Variants in FBXO34 observed in about 807,000 individuals in gnomAD.
FBXO34 encodes F-box only protein 34.
In FBXO34, 12 loss-of-function variants were observed where a neutral mutation model predicts 24.5. The ratio of observed to expected loss-of-function variants is 0.49; its 90% CI spans 0.31 to 0.79. The LOEUF (loss-of-function observed/expected upper bound fraction) is 0.79. FBXO34 is among the 30% of genes least tolerant of loss of function. The probability of loss-of-function intolerance (pLI) is 0.04; values close to 1 mark genes in which losing one functional copy is unlikely to be tolerated. For missense variants in FBXO34, 823 were observed against 857.7 expected, an observed-to-expected ratio of 0.96 and a Z score of 0.51; for synonymous variants, 320 against 311.9, an observed-to-expected ratio of 1.03 and a Z score of -0.27.
intron 1 of FBXO34, among the ~76,000 whole-genome samples, chr14:55,307,586 G>A (rs925440062): frequency 1.3e-5 from 2 of 152,154 alleles, no homozygotes; most frequent in Non-Finnish European, 2.9e-5. Context: ...TATAAACAAG[G>A]TAGAAAGAAT....
chr14:55,331,666 T>TG (rs1276508324), intron 1 of FBXO34, among the ~76,000 whole-genome samples: 1 of 74,694 alleles, frequency 1.3e-5, no homozygotes, highest in African/African-American at 8.3e-5. Context: ...ACCAACATGG[T>TG]GTGTGTATAT....
chr14:55,422,059 A>G, the FBXO34 span, among the ~76,000 whole-genome samples: 3 of 152,212 alleles, frequency 2.0e-5, no homozygotes, highest in African/African-American at 7.2e-5. Context: ...TAAAGCTACA[A>G]TAAGATAAAG....
At chr14:55,327,779 C>T (rs993630335) in intron 1 of FBXO34, among the ~76,000 whole-genome samples, 8 of 151,958 alleles carry the variant, frequency 5.3e-5, no homozygotes, top group African/African-American at 1.9e-4. Context: ...TTCCTGAAAC[C>T]TTGGGTAGTG....
In FBXO34 at chr14:55,350,397, C is replaced by CT. The variant is rs756829097; in HGVS notation, c.8dup (p.Pro5AlafsTer31). ...TTCCTATAGGGGCTTTGTTATGCAC[C>CT]TAAAGCCATATTGGAAGCTCCAGAA... On this transcript the variant is annotated frameshift_variant, in exon 2 of 2. Transcript: ENST00000313833. LOFTEE classifies it low-confidence loss of function (END_TRUNC). The CT allele has an allele frequency of 2.5e-6, 4 of 1,573,930 alleles. No individual in the cohort carries two copies. Among genetic ancestry groups the CT allele is most frequent in the Non-Finnish European group, 3.4e-6 (4 of 1,165,426 alleles).
At chr14:55,341,819 C>T (rs567440096) in intron 1 of FBXO34, among the ~76,000 whole-genome samples, 14 of 152,188 alleles carry the variant, frequency 9.2e-5, no homozygotes, top group African/African-American at 1.4e-4. Context: ...GAAATGACTA[C>T]GGATTAACTT....
the FBXO34 span, chr14:55,380,838 T>C: frequency 3.6e-6 from 1 of 281,070 alleles, no homozygotes; most frequent in Non-Finnish European, 6.5e-6. Context: ...CAGACATAAA[T>C]GGTCCATTCT....
the FBXO34 span, chr14:55,438,821 CTCT>C: frequency 1.7e-4 from 26 of 151,216 alleles, 1 homozygote; most frequent in African/African-American, 6.1e-4. Flanking sequence ...CCTGTCTGGG[CTCT>C]TCTTTGCTGT....
At chr14:55,334,931 A>C (rs1176035948) in intron 1 of FBXO34, among the ~76,000 whole-genome samples, 1 of 152,226 alleles carries the variant, frequency 6.6e-6, no homozygotes, top group Non-Finnish European at 1.5e-5. Context: ...GTGGTAGAAC[A>C]AACTCTTCCT....
intron 1 of FBXO34, among the ~76,000 whole-genome samples, chr14:55,313,125 C>G (rs1882803799): frequency 6.6e-6 from 1 of 152,176 alleles, no homozygotes; most frequent in Admixed American, 6.6e-5. Context: ...CAAGTCACCT[C>G]CTAAGCTTTG....
chr14:55,344,722 C>A (rs1377952483), intron 1 of FBXO34, among the ~76,000 whole-genome samples: 3 of 151,620 alleles, frequency 2.0e-5, no homozygotes, highest in Non-Finnish European at 2.9e-5. Context: ...TTGTCCTCCA[C>A]CCCCACCACC....
intron 1 of FBXO34, among the ~76,000 whole-genome samples, chr14:55,294,829 G>T (rs968545599): frequency 6.6e-6 from 1 of 152,174 alleles, no homozygotes; most frequent in Non-Finnish European, 1.5e-5. Context: ...GTTTTGTGGT[G>T]AAGTTGCTTT....
chr14:55,395,517 C>T, the FBXO34 span, among the ~76,000 whole-genome samples: 15 of 152,114 alleles, frequency 9.9e-5, no homozygotes, highest in Non-Finnish European at 1.5e-4. Flanking sequence ...TGCACCTGGC[C>T]GGAAGTTTTA....
chr14:55,285,071 G>T lies in FBXO34; in HGVS notation c.-11+13534G>T, dbSNP rs959707302. On this transcript the variant is annotated intron_variant, in intron 1 of 1. Coordinates refer to ENST00000313833, the MANE Select transcript of FBXO34 (RefSeq NM_017943.4). ...AAAAACTGCAAAGATCAGTTGTAAA[G>T]CTTCTTTCAAGAATTGTTCCGGCCG... 5.3e-5 allele frequency among the ~76,000 whole-genome samples: 8 copies of T among 149,766 alleles called. 2 individuals carry two copies. Among genetic ancestry groups the T allele is most frequent in the Non-Finnish European group, 1.2e-4 (8 of 67,034 alleles).
At chr14:55,360,682 TTG>T (rs1384832118) in intron 3 of FBXO34, among the ~76,000 whole-genome samples, 1 of 152,148 alleles carries the variant, frequency 6.6e-6, no homozygotes, top group Non-Finnish European at 1.5e-5. Context: ...GTAGAAAGGA[TTG>T]TAAGCCAAAC....
the FBXO34 span, among the ~76,000 whole-genome samples, chr14:55,414,613 A>G: frequency 6.6e-6 from 1 of 152,222 alleles, no homozygotes; most frequent in Non-Finnish European, 1.5e-5. Context: ...TAATTTGGCA[A>G]CTACAGCCAT....
At position 55,352,348 on chromosome 14, in the gene FBXO34, C is replaced by T. The variant is rs1302384852; in HGVS notation, c.1958C>T (p.Pro653Leu). Residue 653 changes from proline (P) to leucine (L), a missense_variant, in exon 2 of 2, where the codon CCC becomes CTC. Physicochemically the swap from Pro to Leu is moderately conservative, Grantham distance 98. Transcript: ENST00000313833. ...DVSLCRWHPK[P>L]YCQALPYGPG... is the part of the protein sequence containing the mutation. The stretch of plus-strand genomic sequence containing the variant: ...TCCCTGTGCCGATGGCACCCCAAGC[C>T]CTATTGCCAGGCATTGCCCTATGGG... 1.2e-6 allele frequency: 2 copies of T among 1,614,182 alleles called. No individual in the cohort carries two copies. Among genetic ancestry groups the T allele is most frequent in the Non-Finnish European group, 1.7e-6 (2 of 1,180,016 alleles).
downstream of FBXO34, among the ~76,000 whole-genome samples, chr14:55,357,957 C>G (rs542171207): frequency 1.8e-4 from 27 of 152,210 alleles, no homozygotes; most frequent in Admixed American, 4.6e-4. Flanking sequence ...GCTGGATAAT[C>G]TATTTGCATA....
the FBXO34 span, chr14:55,382,071 G>A: frequency 1.1e-4 from 179 of 1,614,140 alleles, 1 homozygote; most frequent in South Asian, 1.6e-3. Flanking sequence ...TGGTGTCTCC[G>A]TTGTGATCGT....
downstream of FBXO34, among the ~76,000 whole-genome samples, chr14:55,362,882 G>A (rs1257952202): frequency 1.3e-5 from 2 of 152,000 alleles, no homozygotes; most frequent in African/African-American, 4.8e-5. Flanking sequence ...GGGTAGGAAA[G>A]TTCTTTCCTC....
Sources: gnomAD v4.1 joint callset for allele counts (sites outside exome capture counted in the v4.1 genomes callset) on GRCh38, gnomAD v4.1.1 for gene constraint, MANE v1.5 for transcripts, NCBI Gene and HGNC (gene_info 2026-07-23, HGNC 2026-07-21) for gene names.